GRID2: variants seen among roughly 807,000 people sequenced by gnomAD.
GRID2 encodes the protein glutamate ionotropic receptor delta type subunit 2.
Under a neutral mutation model 114.8 loss-of-function variants are expected in GRID2, and 33 were observed. That is an observed-to-expected ratio of 0.29 (90% CI 0.22 to 0.38). The LOEUF is 0.38. Ranked by LOEUF, GRID2 falls within the 10% of genes least tolerant of loss-of-function variation. The pLI, the probability that GRID2 is intolerant of heterozygous loss-of-function variation, is 1.00. For missense variants in GRID2, 1,184 were observed against 1,257.7 expected (o/e 0.94, Z 0.89); for synonymous variants, 505 against 449.9 (o/e 1.12, Z -1.55).
At chr4:92,816,356 A>ACCCATT (rs1740917132) in intron 2 of GRID2, among the ~76,000 whole-genome samples, 1 of 151,742 alleles carries the variant, frequency 6.6e-6, no homozygotes, top group African/African-American at 2.4e-5. Flanking sequence ...ATTTTACTAA[A>ACCCATT]GATGTACCTT....
At chr4:93,050,941 G>A (rs899832548) in intron 2 of GRID2, among the ~76,000 whole-genome samples, 1 of 152,006 alleles carries the variant, frequency 6.6e-6, no homozygotes, top group East Asian at 1.9e-4. Flanking sequence ...CCTGCTTTAA[G>A]CTGCTGGGGG....
chr4:92,524,023 A>G (rs1724913569), intron 1 of GRID2, among the ~76,000 whole-genome samples: 1 of 152,102 alleles, frequency 6.6e-6, no homozygotes, highest in African/African-American at 2.4e-5. Context: ...TGTTAACAGC[A>G]TAGATGTTGA....
chr4:92,779,610 G>C (rs1345429540), intron 2 of GRID2, among the ~76,000 whole-genome samples: 1 of 152,044 alleles, frequency 6.6e-6, no homozygotes, highest in East Asian at 1.9e-4. Flanking sequence ...AAAGATCCAA[G>C]ATGAACCTGC....
At chr4:92,504,544 G>A (rs981324607) in intron 1 of GRID2, among the ~76,000 whole-genome samples, 7 of 151,970 alleles carry the variant, frequency 4.6e-5, no homozygotes, top group South Asian at 2.1e-4. Context: ...TTCTCATGCC[G>A]AAGGAAGTTA....
chr4:93,255,707 C>T (rs1333492785), intron 8 of GRID2, among the ~76,000 whole-genome samples: 1 of 152,032 alleles, frequency 6.6e-6, no homozygotes, highest in East Asian at 1.9e-4. Context: ...GTCTACTTCC[C>T]CTTTGAACTT....
intron 2 of GRID2, among the ~76,000 whole-genome samples, chr4:92,709,756 A>G (rs1209758516): frequency 6.6e-6 from 1 of 151,878 alleles, no homozygotes. Flanking sequence ...GTAGAGTGAT[A>G]ACGAATCAGG....
intron 1 of GRID2, among the ~76,000 whole-genome samples, chr4:92,384,595 TAAC>T (rs1340924015): frequency 1.3e-4 from 4 of 31,874 alleles, no homozygotes; most frequent in South Asian, 1.1e-3. Context: ...ATATTATATA[TAAC>T]ATAATATATA....
In GRID2 at chr4:93,085,169, A is replaced by T; in HGVS notation, c.419A>T (p.Asp140Val). 1 of 1,614,038 alleles carries T rather than the reference A, an allele frequency of 6.2e-7. No individual in the cohort carries two copies. The highest frequency in any genetic ancestry group is 8.5e-7 in the Non-Finnish European group (1 of 1,179,984). The change falls in exon 3 of 16, where the codon GAT becomes GTT. Residue 140 changes from aspartate to valine, a missense_variant. By Grantham distance (152) the Asp-to-Val change is radical. This residue lies in a region of GRID2 where 455 missense variants were observed against 429.5 expected (regional missense o/e 1.06). Coordinates refer to ENST00000282020, the MANE Select transcript of GRID2 (RefSeq NM_001510.4). The stretch of plus-strand genomic sequence containing the variant: ...GGACTCACCCGGAGCAACAGGAATG[A>T]TGACTACACTCTCTCAGTTCGCCCA... ...GCGLTRSNRN[D>V]DYTLSVRPPV...
chr4:92,497,382 A>G (rs1362311758), intron 1 of GRID2, among the ~76,000 whole-genome samples: 1 of 151,976 alleles, frequency 6.6e-6, no homozygotes, highest in East Asian at 1.9e-4. Flanking sequence ...GGTTGGAGAA[A>G]TCTGAAAGAA....
Position 92,755,135 on chromosome 4 carries a change from A to G in GRID2, c.244+164849A>G, listed in dbSNP as rs1166567896. On this transcript the variant is annotated intron_variant, in intron 2 of 15. Coordinates refer to ENST00000282020, the MANE Select transcript of GRID2 (RefSeq NM_001510.4). ...TGTGCTGGCCTTTTCCCAGGGGTCT[A>G]CACGTCAAATATGGGCATCAGACTG... Among the ~76,000 whole-genome samples, 6 of 152,186 alleles carry G rather than the reference A, an allele frequency of 3.9e-5. No homozygotes were observed. In the South Asian group the frequency reaches 1.0e-3, roughly 26 times the overall value.
chr4:92,860,897 CT>C (rs1467623495), intron 2 of GRID2, among the ~76,000 whole-genome samples: 1 of 152,032 alleles, frequency 6.6e-6, no homozygotes, highest in East Asian at 1.9e-4. Context: ...AGTACACTAA[CT>C]TTAAAGAGCT....
intron 1 of GRID2, among the ~76,000 whole-genome samples, chr4:92,588,678 CAAAAAAAA>C (rs1209254541): frequency 2.8e-5 from 2 of 70,306 alleles, no homozygotes; most frequent in African/African-American, 1.1e-4. Context: ...GACTCCGTCT[CAAAAAAAA>C]AAAAAAAAAA....
At chr4:92,540,817 C>A (rs1479865635) in intron 1 of GRID2, among the ~76,000 whole-genome samples, 1 of 152,182 alleles carries the variant, frequency 6.6e-6, no homozygotes, top group East Asian at 1.9e-4. Flanking sequence ...GATTATAAAT[C>A]ATGCTGCTAT....
intron 1 of GRID2, among the ~76,000 whole-genome samples, chr4:92,343,943 T>G (rs1193233935): frequency 1.3e-5 from 2 of 152,204 alleles, no homozygotes; most frequent in Non-Finnish European, 2.9e-5. Flanking sequence ...AAAAGTATAT[T>G]TTATGTTAAG....
chr4:93,536,763 A>G (rs1347027747), intron 13 of GRID2, among the ~76,000 whole-genome samples: 2 of 151,522 alleles, frequency 1.3e-5, no homozygotes, highest in Non-Finnish European at 3.0e-5. Flanking sequence ...AGACCACACA[A>G]TGATTAATAA....
In GRID2 at chr4:93,756,261, G is replaced by T. The variant is rs191439301; in HGVS notation, c.2361-12949G>T. Among the ~76,000 whole-genome samples the T allele has an allele frequency of 5.4e-3, 821 of 152,266 alleles. 7 individuals carry two copies. The highest frequency in any genetic ancestry group is 0.019 in the African/African-American group (773 of 41,538). ...AAGTCAGAAGGAACATTCCAAAATT[G>T]GAAAAGTGCTAAAAGGGAAAGTGGC... On this transcript the variant is annotated intron_variant, in intron 14 of 15. Coordinates refer to ENST00000282020, the MANE Select transcript of GRID2 (RefSeq NM_001510.4).
intron 8 of GRID2, among the ~76,000 whole-genome samples, chr4:93,322,076 T>C (rs1482638258): frequency 6.7e-6 from 1 of 149,756 alleles, no homozygotes; most frequent in Non-Finnish European, 1.5e-5. Context: ...CATTAAGTTC[T>C]AGGGTACAAG....
chr4:92,932,584 A>T (rs1750328903), intron 2 of GRID2, among the ~76,000 whole-genome samples: 1 of 151,338 alleles, frequency 6.6e-6, no homozygotes, highest in African/African-American at 2.4e-5. Flanking sequence ...AAATGAAATC[A>T]TATGTCCACC....
chr4:92,630,926 T>C (rs972144623), intron 2 of GRID2, among the ~76,000 whole-genome samples: 1 of 151,654 alleles, frequency 6.6e-6, no homozygotes, highest in Non-Finnish European at 1.5e-5. Flanking sequence ...CTAAAATAAA[T>C]AACAAAGCTT....
Sources: allele counts gnomAD v4.1 joint callset (sites outside exome capture counted in the v4.1 genomes callset), GRCh38; gene constraint gnomAD v4.1.1; regional missense constraint gnomAD v4.1.1; transcripts MANE v1.5; gene names NCBI Gene and HGNC (gene_info 2026-07-23, HGNC 2026-07-21).